Variants in TMEFF2 observed in about 807,000 individuals in gnomAD.
The protein encoded by TMEFF2 is transmembrane protein with EGF like and two follistatin like domains 2.
In TMEFF2, 28 loss-of-function variants were observed where a neutral mutation model predicts 53.8. The observed-to-expected ratio is 0.52, with a 90% CI of 0.39 to 0.71. TMEFF2 has a LOEUF of 0.71. Among genes scored for constraint, TMEFF2 ranks in the 30% least tolerant of loss-of-function variants. TMEFF2 has a pLI of 0.00. For synonymous variants in TMEFF2, 162 were observed against 166.3 expected (o/e 0.97, Z 0.20); for missense variants, 353 against 455.2 (o/e 0.78, Z 2.04).
At chr2:191,972,372 A>C (rs1259384076) in intron 7 of TMEFF2, among the ~76,000 whole-genome samples, 1 of 126,566 alleles carries the variant, frequency 7.9e-6, no homozygotes, top group Non-Finnish European at 1.5e-5. Context: ...CATGTTGTCC[A>C]TGCTGGTCTT....
At position 192,006,060 on chromosome 2, in the gene TMEFF2, C is replaced by CTT. The variant is rs56336479; in HGVS notation, c.537-6854_537-6853dup. ...ATGTCATTACTCAGGTCTCAGGTGA[C>CTT]TTTTTTTTTTTTTTTTAACTTATAG... On this transcript the variant is annotated intron_variant, in intron 5 of 9. Coordinates refer to ENST00000272771, the MANE Select transcript of TMEFF2 (RefSeq NM_016192.4). 9.9e-3 allele frequency among the ~76,000 whole-genome samples: 1,382 copies of CTT among 140,038 alleles called. 34 individuals are homozygous for CTT. Among genetic ancestry groups the CTT allele is most frequent in the Admixed American group, 0.022 (316 of 14,106 alleles). The allele number at this position is 140,038 out of a possible 152,430, so 91.9% of individuals were successfully genotyped here.
chr2:191,965,718 C>G (rs1692450474), intron 7 of TMEFF2, among the ~76,000 whole-genome samples: 1 of 152,194 alleles, frequency 6.6e-6, no homozygotes, highest in Non-Finnish European at 1.5e-5. Flanking sequence ...TTCCCATATG[C>G]TATTCCCTTT....
At chr2:192,185,260 G>A (rs557595859) in intron 2 of TMEFF2, among the ~76,000 whole-genome samples, 2 of 151,574 alleles carry the variant, frequency 1.3e-5, no homozygotes, top group Non-Finnish European at 2.9e-5. Context: ...CAACCAACAG[G>A]GTATAGTCAT....
At chr2:191,955,313 A>G (rs931987348) in intron 8 of TMEFF2, among the ~76,000 whole-genome samples, 2 of 151,568 alleles carry the variant, frequency 1.3e-5, no homozygotes, top group Non-Finnish European at 2.9e-5. Context: ...TGAAATAATT[A>G]TATTTTAGAC....
intron 5 of TMEFF2, among the ~76,000 whole-genome samples, chr2:192,044,927 C>A (rs1345462029): frequency 6.6e-6 from 1 of 152,136 alleles, no homozygotes; most frequent in Non-Finnish European, 1.5e-5. Flanking sequence ...GCATGCACAG[C>A]AGCACTCCAT....
rs767615382 is a variant in TMEFF2, at chr2:192,194,568, A to T, written c.-44T>A. 1 of 1,591,104 alleles carries T rather than the reference A, an allele frequency of 6.3e-7. No homozygotes were observed. Among genetic ancestry groups the T allele is most frequent in the East Asian group, 2.3e-5 (1 of 44,280 alleles). ...TGCAGCAGCAAACGGCTTCCGAGGAACACAGGATCGCGGGGGCCGGGCAGC... is the reference window on the plus strand; with the variant it reads ...TGCAGCAGCAAACGGCTTCCGAGGATCACAGGATCGCGGGGGCCGGGCAGC... On this transcript the variant is annotated 5_prime_UTR_variant, in exon 1 of 10. Transcript: ENST00000272771. The surrounding 1 kb of genome is among the most constrained non-coding windows in gnomAD (Gnocchi z 4.2).
intron 4 of TMEFF2, among the ~76,000 whole-genome samples, chr2:192,107,857 G>C (rs1689185876): frequency 1.3e-5 from 2 of 151,606 alleles, no homozygotes; most frequent in Admixed American, 6.6e-5. Flanking sequence ...AAGGCAAAAT[G>C]GGAAATTAAA....
At position 191,983,597 on chromosome 2, in the gene TMEFF2, C is replaced by G. The variant is rs545131421; in HGVS notation, c.745+14665G>C. Among the ~76,000 whole-genome samples, 8 of 152,160 alleles carry G rather than the reference C, an allele frequency of 5.3e-5. No homozygotes were observed. The East Asian group carries it at 9.7e-4, about 18-fold the overall frequency. On this transcript the variant is annotated intron_variant, in intron 7 of 9. Coordinates refer to ENST00000272771, the MANE Select transcript of TMEFF2 (RefSeq NM_016192.4). ...TGCCTGGTAGAATGATTATAACATGCCTCTTATTAAGAGGGGTCTACCCCA... is the reference window on the plus strand; with the variant it reads ...TGCCTGGTAGAATGATTATAACATGGCTCTTATTAAGAGGGGTCTACCCCA...
At chr2:191,974,277 T>C (rs2105807580) in intron 7 of TMEFF2, among the ~76,000 whole-genome samples, 1 of 152,254 alleles carries the variant, frequency 6.6e-6, no homozygotes. Flanking sequence ...TTTGTGTGTG[T>C]GTGTGGCCTG....
chr2:192,160,633 G>A (rs1486285454), intron 4 of TMEFF2, among the ~76,000 whole-genome samples: 4 of 152,106 alleles, frequency 2.6e-5, no homozygotes, highest in Non-Finnish European at 5.9e-5. Flanking sequence ...CTAAGTCTCT[G>A]TGGAGCCTGA....
At chr2:192,192,435 T>TG (rs1438538225) in intron 1 of TMEFF2, among the ~76,000 whole-genome samples, 1 of 152,140 alleles carries the variant, frequency 6.6e-6, no homozygotes, top group African/African-American at 2.4e-5. Context: ...CTTCAACGAC[T>TG]GAAACAACCC....
rs767186874 is a variant in TMEFF2 at position 191,998,318 on chromosome 2, TTATC to T, written c.686-1_688del. The T allele has an allele frequency of 8.8e-6, 14 of 1,598,022 alleles. No individual in the cohort carries two copies. The highest frequency in any genetic ancestry group is 1.2e-5 in the Non-Finnish European group (14 of 1,171,940). ...TTCAGACTTAGTAGTTGTAGTTGTG[TTATC>T]TGTGTTAAAAAATTAACAATAAAAA... On this transcript the variant is annotated splice_acceptor_variant and coding_sequence_variant, in exon 7 of 10. Transcript: ENST00000272771. LOFTEE classifies it high-confidence loss of function.
chr2:192,102,197 A>C (rs1559126960), intron 4 of TMEFF2, among the ~76,000 whole-genome samples: 1 of 152,182 alleles, frequency 6.6e-6, no homozygotes, highest in Admixed American at 6.5e-5. Context: ...TAAAAAAGAA[A>C]AACAAAAAAA....
chr2:192,157,626 C>T (rs1690537845), intron 4 of TMEFF2, among the ~76,000 whole-genome samples: 2 of 151,914 alleles, frequency 1.3e-5, no homozygotes, highest in Non-Finnish European at 2.9e-5. Flanking sequence ...ATCACTTTGA[C>T]ACCACGTATG....
intron 7 of TMEFF2, among the ~76,000 whole-genome samples, chr2:191,979,774 TCTAA>T (rs1357243013): frequency 6.6e-6 from 1 of 151,942 alleles, no homozygotes; most frequent in Admixed American, 6.6e-5. Flanking sequence ...AATTAAACCC[TCTAA>T]CTAGGATCCA....
intron 5 of TMEFF2, chr2:192,036,496 T>A (rs1461129390): frequency 6.6e-6 from 1 of 152,218 alleles, no homozygotes; most frequent in Non-Finnish European, 1.5e-5. Flanking sequence ...GTGCAAGGCT[T>A]CAGGAGGAAG....
At chr2:192,192,432 G>A (rs1184916891) in intron 1 of TMEFF2, among the ~76,000 whole-genome samples, 1 of 151,904 alleles carries the variant, frequency 6.6e-6, no homozygotes, top group African/African-American at 2.4e-5. Flanking sequence ...TTGCTTCAAC[G>A]ACTGAAACAA....
At chr2:191,969,623 T>A (rs1441753091) in intron 7 of TMEFF2, among the ~76,000 whole-genome samples, 1 of 152,174 alleles carries the variant, frequency 6.6e-6, no homozygotes, top group Non-Finnish European at 1.5e-5. Context: ...TGGGTTTGTG[T>A]ATGTCTCCTG....
intron 5 of TMEFF2, among the ~76,000 whole-genome samples, chr2:192,050,693 T>C (rs1465253970): frequency 6.6e-6 from 1 of 152,236 alleles, no homozygotes; most frequent in East Asian, 1.9e-4. Flanking sequence ...TTTAATGCCC[T>C]GTATAGACCA....
Sources: allele counts gnomAD v4.1 joint callset (sites outside exome capture counted in the v4.1 genomes callset), GRCh38; gene constraint gnomAD v4.1.1; non-coding constraint Gnocchi (gnomAD v3.1); transcripts MANE v1.5; gene names NCBI Gene and HGNC (gene_info 2026-07-23, HGNC 2026-07-21).